The following UNC5A variants were observed in gnomAD, a reference collection of about 807,000 sequenced individuals.
The protein encoded by UNC5A is netrin receptor UNC5A.
A neutral mutation model predicts 87.4 loss-of-function variants in UNC5A; 20 were observed. The ratio of observed to expected loss-of-function variants is 0.23; its 90% CI spans 0.16 to 0.33. UNC5A has a LOEUF of 0.33. UNC5A is among the 10% of genes least tolerant of loss of function. UNC5A has a pLI of 1.00. For synonymous variants in UNC5A, 438 were observed against 482.3 expected (o/e 0.91, Z 1.20); for missense variants, 844 against 1,133.4 (o/e 0.74, Z 3.67).
Position 176,848,569 on chromosome 5 carries a change from C to T in UNC5A, c.71-14055C>T, listed in dbSNP as rs1312160637. On this transcript the variant is annotated intron_variant, in intron 1 of 14. Transcript: ENST00000329542. This position sits in a 1 kb window ranked among gnomAD's most constrained non-coding sequence, Gnocchi z 5.8. Reference sequence around the variant, plus strand: ...ACGGGGTGAGGGCTCATTCCTGTCTCATCAGGGGTGTGATGGGAGCGGCCA... The same window carrying T: ...ACGGGGTGAGGGCTCATTCCTGTCTTATCAGGGGTGTGATGGGAGCGGCCA... Among the ~76,000 whole-genome samples the T allele has an allele frequency of 6.6e-6, 1 of 152,194 alleles. No individual in the cohort carries two copies.
chr5:176,863,527 G>A (rs113525433), intron 2 of UNC5A, among the ~76,000 whole-genome samples: 3 of 152,208 alleles, frequency 2.0e-5, no homozygotes, highest in African/African-American at 7.2e-5. Flanking sequence ...GGGGCACAGA[G>A]AGAGAGGTTC....
Position 176,874,276 on chromosome 5 carries a change from T to A in UNC5A, c.1088T>A (p.Leu363Gln). ...CTTTATCCTGCAGACAACCCCCATCTGCTCACCATCCAGCCGGACCTCAGC... is the reference window on the plus strand; with the variant it reads ...CTTTATCCTGCAGACAACCCCCATCAGCTCACCATCCAGCCGGACCTCAGC... Reference protein sequence around the residue: ...IKPSKADNPHLLTIQPDLSTT... With the variant: ...IKPSKADNPHQLTIQPDLSTT... Residue 363 changes from leucine to glutamine, a missense_variant, in exon 8 of 15, where the codon CTG (leucine) becomes CAG (glutamine). Coordinates refer to ENST00000329542, the MANE Select transcript of UNC5A (RefSeq NM_133369.3). This position sits in a 1 kb window ranked among gnomAD's most constrained non-coding sequence, Gnocchi z 7.6. The A allele has an allele frequency of 6.3e-7, 1 of 1,590,596 alleles. No individual in the cohort carries two copies.
chr5:176,861,279 C>T (rs996863627), intron 1 of UNC5A, among the ~76,000 whole-genome samples: 1 of 152,232 alleles, frequency 6.6e-6, no homozygotes, highest in African/African-American at 2.4e-5. Context: ...ATTTCATCCT[C>T]ACAACAGCCT....
At chr5:176,847,422 G>A (rs562512504) in intron 1 of UNC5A, among the ~76,000 whole-genome samples, 62 of 152,330 alleles carry the variant, frequency 4.1e-4, no homozygotes, top group African/African-American at 1.4e-3. Context: ...GAGGCGGGGG[G>A]GCCCTCAGCA....
At position 176,879,518 on chromosome 5, in the gene UNC5A, C is replaced by G. The variant is rs769635906; in HGVS notation, c.2363+30C>G. ...GCGGGAGAGGGGCAGAGAGGGCCTG[C>G]GCAGGCCACCGACAGTCCTGCCCGG... On this transcript the variant is annotated intron_variant, in intron 14 of 14. Transcript: ENST00000329542. The G allele has an allele frequency of 5.7e-6, 9 of 1,582,728 alleles. No homozygotes were observed. In the African/African-American group the frequency reaches 1.1e-4, roughly 19 times the overall value.
intron 1 of UNC5A, among the ~76,000 whole-genome samples, chr5:176,811,984 G>T (rs1364877863): frequency 6.6e-6 from 1 of 152,024 alleles, no homozygotes; most frequent in Non-Finnish European, 1.5e-5. Context: ...TTCCTTAAAG[G>T]GTGTCTCTGC....
intron 1 of UNC5A, among the ~76,000 whole-genome samples, chr5:176,823,865 G>C (rs1295456503): frequency 6.6e-6 from 1 of 152,194 alleles, no homozygotes; most frequent in Non-Finnish European, 1.5e-5. Context: ...CCATCTCGAG[G>C]GGGTTGGTAG....
At chr5:176,830,793 CTGGCATGTGTGTGT>C (rs1310274479) in intron 1 of UNC5A, among the ~76,000 whole-genome samples, 2 of 109,764 alleles carry the variant, frequency 1.8e-5, no homozygotes, top group Non-Finnish European at 3.6e-5. Context: ...CGTGTGTGTG[CTGGCATGTGTGTGT>C]GCGTGTGTGT....
rs1045483564 is a variant in UNC5A at position 176,865,224 on chromosome 5, G to T, written c.292+2379G>T. 6.6e-6 allele frequency among the ~76,000 whole-genome samples: 1 copy of T among 152,182 alleles called. No individual in the cohort carries two copies. Among genetic ancestry groups the T allele is most frequent in the Non-Finnish European group, 1.5e-5 (1 of 68,024 alleles). On this transcript the variant is annotated intron_variant, in intron 2 of 14. Transcript: ENST00000329542. The surrounding 1 kb of genome is among the most constrained non-coding windows in gnomAD (Gnocchi z 5.3). Reference sequence around the variant, plus strand: ...CCAGGGAAAGCACAGCCAGAGAGCTGCTCTCCTGCAGCCTGGAAGCTCCAG... The same window carrying T: ...CCAGGGAAAGCACAGCCAGAGAGCTTCTCTCCTGCAGCCTGGAAGCTCCAG...
intron 1 of UNC5A, among the ~76,000 whole-genome samples, chr5:176,819,349 C>T (rs1756671961): frequency 6.6e-6 from 1 of 152,090 alleles, no homozygotes; most frequent in Admixed American, 6.5e-5. Flanking sequence ...TATTAGAACC[C>T]AACTCACACT....
chr5:176,847,862 G>A (rs1476937291), intron 1 of UNC5A, among the ~76,000 whole-genome samples: 2 of 10,124 alleles, frequency 2.0e-4, no homozygotes, highest in Non-Finnish European at 3.9e-4. Context: ...ACCCTCCCCC[G>A]CCAAAACCAG....
At chr5:176,850,545 C>G (rs910731628) in intron 1 of UNC5A, among the ~76,000 whole-genome samples, 1 of 151,728 alleles carries the variant, frequency 6.6e-6, no homozygotes, top group East Asian at 1.9e-4. Context: ...ATGGCGCAGG[C>G]AGCGAGGGTG....
At chr5:176,861,712 G>C (rs1391952749) in intron 1 of UNC5A, among the ~76,000 whole-genome samples, 1 of 152,202 alleles carries the variant, frequency 6.6e-6, no homozygotes, top group Non-Finnish European at 1.5e-5. Flanking sequence ...CGCTCCCCAA[G>C]GTCACCACTA....
At position 176,865,568 on chromosome 5, in the gene UNC5A, C is replaced by T. The variant is rs201019090; in HGVS notation, c.293-2562C>T. The T allele has an allele frequency of 8.0e-4, 365 of 456,766 alleles. No homozygotes were observed. The highest frequency in any genetic ancestry group is 1.1e-3 in the Non-Finnish European group (258 of 226,948). The allele number at this position is 456,766 out of a possible 1,614,324, so 28.3% of individuals were successfully genotyped here. A position where few individuals can be genotyped will look rare whatever the true frequency, so the allele number is the denominator to read the frequency against. ...GCCTCCCATGGCCGGAACATCTGAA[C>T]GTTCATTGATCTCATCGATTTCTCA... On this transcript the variant is annotated intron_variant, in intron 2 of 14. Transcript: ENST00000329542. This position sits in a 1 kb window ranked among gnomAD's most constrained non-coding sequence, Gnocchi z 5.3.
chr5:176,853,984 C>T (rs1757606274), intron 1 of UNC5A, among the ~76,000 whole-genome samples: 2 of 152,162 alleles, frequency 1.3e-5, no homozygotes. Context: ...TAGAAATAGG[C>T]GGTTCGCACA....
At chr5:176,822,414 G>T (rs894140240) in intron 1 of UNC5A, among the ~76,000 whole-genome samples, 1 of 152,244 alleles carries the variant, frequency 6.6e-6, no homozygotes, top group African/African-American at 2.4e-5. Context: ...GGCGTCAAGG[G>T]CAGGGCCTGC....
Position 176,868,265 on chromosome 5 carries a change from G to A in UNC5A, c.428G>A (p.Arg143His), listed in dbSNP as rs769240002. ...ACCAAGAGTCAGAAGGCCTACATCC[G>A]CATAGCCTGTGAGTCTAGGGCTGGG... ...GTTKSQKAYI[R>H]IAYLRKNFEQ... Residue 143 changes from arginine to histidine, a missense_variant, in exon 3 of 15, where the codon CGC becomes CAC. Physicochemically the swap from Arg to His is conservative, Grantham distance 29. Transcript: ENST00000329542. The A allele has an allele frequency of 2.0e-5, 32 of 1,613,202 alleles. 1 individual carries two copies. Among genetic ancestry groups the A allele is most frequent in the Middle Eastern group, 1.6e-4 (1 of 6,078 alleles).
chr5:176,878,396 G>A lies in UNC5A; in HGVS notation c.2019+3G>A, dbSNP rs1447557750. The A allele has an allele frequency of 2.5e-6, 4 of 1,613,488 alleles. No homozygotes were observed. Among genetic ancestry groups the A allele is most frequent in the Non-Finnish European group, 3.4e-6 (4 of 1,179,954 alleles). On this transcript the variant is annotated splice_donor_region_variant and intron_variant, in intron 12 of 14. Coordinates refer to ENST00000329542, the MANE Select transcript of UNC5A (RefSeq NM_133369.3). ...GTAAGCTCCTTGTCAGCTACCAGGT[G>A]AGGGCCAGGGCCGTGGCCAGCGCAC... is the stretch of plus-strand genomic sequence containing the variant.
chr5:176,816,521 TGA>T (rs1756592381), intron 1 of UNC5A, among the ~76,000 whole-genome samples: 1 of 152,126 alleles, frequency 6.6e-6, no homozygotes. Context: ...GTGAAATGGG[TGA>T]GTTGGCAAGC....
Sources: gnomAD v4.1 joint callset for allele counts (sites outside exome capture counted in the v4.1 genomes callset) on GRCh38, gnomAD v4.1.1 for gene constraint, Gnocchi (gnomAD v3.1) non-coding constraint, MANE v1.5 for transcripts, NCBI Gene and HGNC (gene_info 2026-07-23, HGNC 2026-07-21) for gene names.